KCNAB1: variants seen among roughly 807,000 people sequenced by gnomAD.
KCNAB1 encodes the protein voltage-gated potassium channel subunit beta-1.
Under a neutral mutation model 64.6 loss-of-function variants are expected in KCNAB1, and 35 were observed. The observed-to-expected ratio is 0.54, with a 90% CI of 0.41 to 0.72. The LOEUF is 0.72. Ranked by LOEUF, KCNAB1 falls within the 30% of genes least tolerant of loss-of-function variation. The pLI is 0.00. For missense variants in KCNAB1, 401 were observed against 512.9 expected, an observed-to-expected ratio of 0.78 and a Z score of 2.11; for synonymous variants, 177 against 183.8, an observed-to-expected ratio of 0.96 and a Z score of 0.30.
At chr3:156,457,079 T>G (rs1358005285) in intron 3 of KCNAB1, 87 of 378,012 alleles carry the variant, frequency 2.3e-4, no homozygotes, top group Non-Finnish European at 3.0e-4. Flanking sequence ...GTTATTGGCT[T>G]GGAGAAAGGA....
intron 1 of KCNAB1, among the ~76,000 whole-genome samples, chr3:156,279,342 A>T (rs1174290970): frequency 6.6e-6 from 1 of 152,078 alleles, no homozygotes; most frequent in African/African-American, 2.4e-5. Context: ...TATATGTGCC[A>T]CATTTTCTTA....
At chr3:156,501,400 C>T (rs1490308043) in intron 8 of KCNAB1, among the ~76,000 whole-genome samples, 2 of 149,084 alleles carry the variant, frequency 1.3e-5, no homozygotes, top group Non-Finnish European at 3.0e-5. Context: ...ATCCTAAGTC[C>T]ATGGACAGGA....
At chr3:156,520,012 C>T (rs1387670738) in intron 11 of KCNAB1, among the ~76,000 whole-genome samples, 1 of 152,102 alleles carries the variant, frequency 6.6e-6, no homozygotes, top group Non-Finnish European at 1.5e-5. Flanking sequence ...AAATCATTGA[C>T]AGGAGTGGAA....
At chr3:156,279,331 G>T (rs1318059882) in intron 1 of KCNAB1, among the ~76,000 whole-genome samples, 1 of 151,980 alleles carries the variant, frequency 6.6e-6, no homozygotes, top group Admixed American at 6.5e-5. Context: ...ATTCCATGGT[G>T]TATATGTGCC....
At chr3:156,175,005 A>G (rs962895305) in intron 1 of KCNAB1, among the ~76,000 whole-genome samples, 13 of 152,162 alleles carry the variant, frequency 8.5e-5, no homozygotes, top group South Asian at 4.1e-4. Flanking sequence ...CTACTCAACT[A>G]TTTGGTGGAG....
At chr3:156,525,637 T>C (rs1282035478) in intron 12 of KCNAB1, among the ~76,000 whole-genome samples, 1 of 152,158 alleles carries the variant, frequency 6.6e-6, no homozygotes, top group African/African-American at 2.4e-5. Context: ...TGCCTCAGCC[T>C]CCTGAGTAGC....
chr3:156,402,514 T>G (rs557197404), intron 1 of KCNAB1, among the ~76,000 whole-genome samples: 29 of 152,330 alleles, frequency 1.9e-4, no homozygotes, highest in African/African-American at 7.0e-4. Context: ...CAACACCTGC[T>G]ATTTTAATGA....
At position 156,272,507 on chromosome 3, in the gene KCNAB1, A is replaced by G. The variant is rs535925926; in HGVS notation, c.276-149109A>G. On this transcript the variant is annotated intron_variant, in intron 1 of 13. Coordinates refer to ENST00000490337, the MANE Select transcript of KCNAB1 (RefSeq NM_172160.3). ...CACCACTACCACGGCCCTGTGTGCA[A>G]TACTCCCGGGCTACCACCAGTGTTC... Among the ~76,000 whole-genome samples, 29 of 152,094 alleles carry G rather than the reference A, an allele frequency of 1.9e-4. No individual in the cohort carries two copies. The South Asian group carries it at 3.1e-3, about 16-fold the overall frequency.
intron 1 of KCNAB1, among the ~76,000 whole-genome samples, chr3:156,300,847 A>C (rs1032476614): frequency 2.0e-5 from 3 of 152,230 alleles, no homozygotes. Flanking sequence ...ATGATAGTTG[A>C]GTATCCAGGT....
At chr3:156,439,673 A>G (rs1348366787) in intron 2 of KCNAB1, among the ~76,000 whole-genome samples, 3 of 152,198 alleles carry the variant, frequency 2.0e-5, no homozygotes, top group Non-Finnish European at 4.4e-5. Flanking sequence ...CCAATCACAA[A>G]ATAATGAAAA....
intron 1 of KCNAB1, among the ~76,000 whole-genome samples, chr3:156,398,727 A>G (rs1278509408): frequency 3.3e-5 from 5 of 151,050 alleles, no homozygotes; most frequent in Non-Finnish European, 4.4e-5. Context: ...TTAAAGTTAT[A>G]TATATATATA....
Position 156,267,226 on chromosome 3 carries a change from A to T in KCNAB1, c.275+146340A>T, listed in dbSNP as rs571190108. 8.1e-4 allele frequency among the ~76,000 whole-genome samples: 123 copies of T among 152,288 alleles called. 3 individuals carry two copies. In the South Asian group the frequency reaches 0.025, roughly 31 times the overall value. On this transcript the variant is annotated intron_variant, in intron 1 of 13. Coordinates refer to ENST00000490337, the MANE Select transcript of KCNAB1 (RefSeq NM_172160.3). ...GGGCTGCTTTTTCAGCTCATAGTGC[A>T]TAGTGAACATTTTCCCATTATATTC...
chr3:156,464,499 A>ATAC (rs1224999375), intron 6 of KCNAB1, among the ~76,000 whole-genome samples: 2 of 151,998 alleles, frequency 1.3e-5, no homozygotes, highest in Non-Finnish European at 1.5e-5. Flanking sequence ...AATAATAATA[A>ATAC]TAATAATAAT....
At chr3:156,296,324 A>C (rs1175289972) in intron 1 of KCNAB1, among the ~76,000 whole-genome samples, 1 of 152,140 alleles carries the variant, frequency 6.6e-6, no homozygotes, top group Non-Finnish European at 1.5e-5. Flanking sequence ...AGCTTCTGTC[A>C]TTCAGAATTG....
chr3:156,508,093 C>A lies in KCNAB1; in HGVS notation c.659-6271C>A, dbSNP rs1186197772. On this transcript the variant is annotated intron_variant, in intron 8 of 13. Coordinates refer to ENST00000490337, the MANE Select transcript of KCNAB1 (RefSeq NM_172160.3). This position sits in a 1 kb window ranked among gnomAD's most constrained non-coding sequence, Gnocchi z 4.1. ...TTGCATGTTTTTTCTCAGTATTTTG[C>A]AAGCATATTTAAAATATTTATAATT... Among the ~76,000 whole-genome samples, 1 of 152,080 alleles carries A rather than the reference C, an allele frequency of 6.6e-6. No individual in the cohort carries two copies. The highest frequency in any genetic ancestry group is 1.5e-5 in the Non-Finnish European group (1 of 68,000).
At chr3:156,225,463 T>G (rs9857202) in intron 1 of KCNAB1, among the ~76,000 whole-genome samples, 90,351 of 151,972 alleles carry the variant, frequency 0.59, 27,347 homozygotes, top group East Asian at 0.9. Flanking sequence ...CAGCCAATAT[T>G]ATACTGAACA....
At chr3:156,427,144 G>A (rs1432112002) in intron 2 of KCNAB1, among the ~76,000 whole-genome samples, 2 of 152,174 alleles carry the variant, frequency 1.3e-5, no homozygotes. Flanking sequence ...CCAGACTCCT[G>A]GATTGGGCAT....
chr3:156,507,020 G>A lies in KCNAB1; in HGVS notation c.659-7344G>A, dbSNP rs73025775. ...TCACATGTTCACAAACACACAATGA[G>A]GTGAATTAAGTAAATGCTCTGTTAG... On this transcript the variant is annotated intron_variant, in intron 8 of 13. Coordinates refer to ENST00000490337, the MANE Select transcript of KCNAB1 (RefSeq NM_172160.3). 5.4e-3 allele frequency among the ~76,000 whole-genome samples: 823 copies of A among 152,238 alleles called. 9 individuals carry two copies. Among genetic ancestry groups the A allele is most frequent in the African/African-American group, 0.019 (773 of 41,544 alleles).
intron 13 of KCNAB1, among the ~76,000 whole-genome samples, chr3:156,533,942 T>C (rs1718875965): frequency 6.6e-6 from 1 of 152,136 alleles, no homozygotes; most frequent in Non-Finnish European, 1.5e-5. Context: ...GGAAAACTCT[T>C]GAGTAATTTT....
Sources: allele counts gnomAD v4.1 joint callset (sites outside exome capture counted in the v4.1 genomes callset), GRCh38; gene constraint gnomAD v4.1.1; non-coding constraint Gnocchi (gnomAD v3.1); transcripts MANE v1.5; gene names NCBI Gene and HGNC (gene_info 2026-07-23, HGNC 2026-07-21).